GPHN: variants seen among roughly 807,000 people sequenced by gnomAD.
GPHN encodes gephyrin.
GPHN carries 17 observed loss-of-function variants against 95.5 expected under a neutral mutation model. The ratio of observed to expected loss-of-function variants is 0.18; its 90% CI spans 0.12 to 0.27. The LOEUF is 0.27. Ranked by LOEUF, GPHN falls within the 10% of genes least tolerant of loss-of-function variation. GPHN has a pLI of 1.00. For synonymous variants in GPHN, 320 were observed against 322.5 expected (o/e 0.99, Z 0.08); for missense variants, 660 against 978.1 (o/e 0.67, Z 4.34).
chr14:67,275,856 T>C, the GPHN span, among the ~76,000 whole-genome samples: 1 of 152,216 alleles, frequency 6.6e-6, no homozygotes, highest in South Asian at 2.1e-4. Flanking sequence ...TGGGAGGGTA[T>C]ATGTGTCCAG....
chr14:67,220,818 T>C, the GPHN span, among the ~76,000 whole-genome samples: 1 of 152,238 alleles, frequency 6.6e-6, no homozygotes. Context: ...TTGCAAACTG[T>C]ATAGAAAATT....
At chr14:67,237,295 C>A in the GPHN span, among the ~76,000 whole-genome samples, 97 of 152,060 alleles carry the variant, frequency 6.4e-4, no homozygotes, top group Non-Finnish European at 1.3e-3. Context: ...CACTGAGGTA[C>A]TAGTGAAAGC....
At chr14:67,667,565 G>C in the GPHN span, among the ~76,000 whole-genome samples, 1 of 152,092 alleles carries the variant, frequency 6.6e-6, no homozygotes, top group Non-Finnish European at 1.5e-5. Flanking sequence ...ATATAATAAG[G>C]GCTCAATAAA....
At chr14:66,764,788 TATA>T (rs1466409968) in intron 2 of GPHN, among the ~76,000 whole-genome samples, 4 of 152,050 alleles carry the variant, frequency 2.6e-5, no homozygotes, top group Admixed American at 6.6e-5. Context: ...ATAAAGATAA[TATA>T]ATTACTTATT....
At chr14:67,660,101 T>A in the GPHN span, 1 of 610,476 alleles carries the variant, frequency 1.6e-6, no homozygotes, top group Non-Finnish European at 2.8e-6. Flanking sequence ...ATGCCTTGCA[T>A]AGTGCCCAGC....
At chr14:67,379,897 G>T in the GPHN span, among the ~76,000 whole-genome samples, 2 of 151,620 alleles carry the variant, frequency 1.3e-5, no homozygotes, top group South Asian at 2.1e-4. Flanking sequence ...CTCGTGATCC[G>T]CCCGCCTCGG....
chr14:66,725,616 T>C lies in GPHN; in HGVS notation c.143+44431T>C, dbSNP rs538947489. 4.9e-4 allele frequency among the ~76,000 whole-genome samples: 75 copies of C among 152,314 alleles called. 1 individual carries two copies. The highest frequency in any genetic ancestry group is 4.4e-5 in the Non-Finnish European group (3 of 68,030). ...CTCCTGCCTCAGCCTCCTGAGTAGC[T>C]GGGATTACAGGTGCACGCCACCACG... On this transcript the variant is annotated intron_variant, in intron 2 of 22. Coordinates refer to ENST00000478722, the MANE Select transcript of GPHN (RefSeq NM_020806.5).
the GPHN span, among the ~76,000 whole-genome samples, chr14:67,216,271 G>A: frequency 6.6e-6 from 1 of 152,034 alleles, no homozygotes; most frequent in Non-Finnish European, 1.5e-5. Flanking sequence ...ATTCATCTGG[G>A]ATACTAACCT....
chr14:67,051,026 A>G (rs1002628075), intron 10 of GPHN, among the ~76,000 whole-genome samples: 3 of 150,576 alleles, frequency 2.0e-5, no homozygotes, highest in Admixed American at 2.0e-4. Flanking sequence ...GTTCCCAAGC[A>G]CAGAACTGTG....
the GPHN span, among the ~76,000 whole-genome samples, chr14:67,679,406 T>G: frequency 6.8e-6 from 1 of 148,028 alleles, no homozygotes; most frequent in East Asian, 1.9e-4. Context: ...AATTCCAAGT[T>G]TTTTTTTTTT....
the GPHN span, among the ~76,000 whole-genome samples, chr14:67,440,517 C>T: frequency 9.2e-5 from 14 of 152,184 alleles, no homozygotes; most frequent in East Asian, 2.1e-3. Flanking sequence ...TCCCGGCACC[C>T]GAGGTGGCCA....
At chr14:67,023,501 C>CATGTTAGTAAAA in intron 9 of GPHN, 132 bp from the exon 10 acceptor site, 1 of 650,798 alleles carries the variant, frequency 1.5e-6, no homozygotes, top group Non-Finnish European at 2.8e-6. Context: ...TTTTTACTAA[C>CATGTTAGTAAAA]ATGTTATGAC....
the GPHN span, chr14:67,593,445 C>T: frequency 9.3e-6 from 3 of 321,180 alleles, no homozygotes; most frequent in East Asian, 7.9e-5. Context: ...GAGCTGTGAT[C>T]GAGCCACTGC....
chr14:67,598,787 G>T, the GPHN span, among the ~76,000 whole-genome samples: 11 of 148,526 alleles, frequency 7.4e-5, no homozygotes, highest in Non-Finnish European at 1.6e-4. Flanking sequence ...TCGGCTCACT[G>T]CTACCTCCAC....
intron 1 of GPHN, among the ~76,000 whole-genome samples, chr14:66,516,813 G>C (rs2058265388): frequency 2.0e-5 from 3 of 152,094 alleles, no homozygotes. Context: ...CTAATTAATG[G>C]TTAAGAACTG....
In GPHN at chr14:66,938,933, C is replaced by T. The variant is rs559234739; in HGVS notation, c.828+14641C>T. Among the ~76,000 whole-genome samples, 4 of 152,254 alleles carry T rather than the reference C, an allele frequency of 2.6e-5. No individual in the cohort carries two copies. In the East Asian group the frequency reaches 7.7e-4, roughly 29 times the overall value. ...TGATTTTTGACCAGGGAACCAAGAC[C>T]ATTCAGTGGGGAAGACAGTCTTTTC... On this transcript the variant is annotated intron_variant, in intron 8 of 22. Coordinates refer to ENST00000478722, the MANE Select transcript of GPHN (RefSeq NM_020806.5).
intron 2 of GPHN, among the ~76,000 whole-genome samples, chr14:66,698,722 T>C (rs931436172): frequency 6.6e-6 from 1 of 152,200 alleles, no homozygotes; most frequent in Non-Finnish European, 1.5e-5. Context: ...CAGTCATCCA[T>C]CCTTTGGTAT....
At chr14:67,002,925 G>A (rs999445824) in intron 9 of GPHN, among the ~76,000 whole-genome samples, 5 of 151,570 alleles carry the variant, frequency 3.3e-5, no homozygotes, top group Admixed American at 1.3e-4. Flanking sequence ...CAACCTGATT[G>A]AAACAAGTAT....
the GPHN span, among the ~76,000 whole-genome samples, chr14:67,344,532 T>TTATTTA: frequency 6.6e-6 from 1 of 152,206 alleles, no homozygotes; most frequent in Non-Finnish European, 1.5e-5. Flanking sequence ...CAAACGATGT[T>TTATTTA]TATTTACATT....
Sources: allele counts gnomAD v4.1 joint callset (sites outside exome capture counted in the v4.1 genomes callset), GRCh38; gene constraint gnomAD v4.1.1; transcripts MANE v1.5; gene names NCBI Gene and HGNC (gene_info 2026-07-23, HGNC 2026-07-21).